Variants in EYS observed in about 807,000 individuals in gnomAD.
The protein encoded by EYS is protein eyes shut homolog.
In EYS, 250 loss-of-function variants were observed where a neutral mutation model predicts 282.1. The ratio of observed to expected loss-of-function variants is 0.89; its 90% CI spans 0.80 to 0.98. The LOEUF (loss-of-function observed/expected upper bound fraction) is 0.98, where lower values mean the gene tolerates loss of function less well. EYS is among the 50% of genes least tolerant of loss of function. The pLI, the probability that EYS is intolerant of heterozygous loss-of-function variation, is 0.00. For missense variants in EYS, 4,016 were observed against 3,709.0 expected, an observed-to-expected ratio of 1.08 and a Z score of -2.15; for synonymous variants, 1,355 against 1,282.9, an observed-to-expected ratio of 1.06 and a Z score of -1.20.
chr6:64,924,131 C>T lies in EYS; in HGVS notation c.2382-11388G>A, dbSNP rs530737566. 2.6e-5 allele frequency among the ~76,000 whole-genome samples: 4 copies of T among 152,324 alleles called. No homozygotes were observed. In the East Asian group the frequency reaches 7.7e-4, roughly 29 times the overall value. On this transcript the variant is annotated intron_variant, in intron 15 of 42. Transcript: ENST00000503581. ...TTTTGCCTGGGCATCCAGGCGATTCCATACATCTTCTGAAATCTAGGCAGA... is the reference window on the plus strand; with the variant it reads ...TTTTGCCTGGGCATCCAGGCGATTCTATACATCTTCTGAAATCTAGGCAGA...
chr6:64,947,618 T>C (rs1287857041), intron 14 of EYS, among the ~76,000 whole-genome samples: 4 of 151,634 alleles, frequency 2.6e-5, no homozygotes. Flanking sequence ...TGGTAACATT[T>C]ACAGTTTTCA....
intron 31 of EYS, among the ~76,000 whole-genome samples, chr6:64,113,396 T>A (rs1418717331): frequency 3.3e-5 from 5 of 152,198 alleles, no homozygotes; most frequent in Non-Finnish European, 5.9e-5. Context: ...TTCACTTGTA[T>A]GTAAAATGAG....
At chr6:65,501,070 T>C (rs1346101305) in intron 2 of EYS, among the ~76,000 whole-genome samples, 3 of 152,010 alleles carry the variant, frequency 2.0e-5, no homozygotes, top group Non-Finnish European at 4.4e-5. Context: ...CCACACACTC[T>C]ATGAGTAGGC....
chr6:65,601,549 T>A (rs566857898), intron 2 of EYS, among the ~76,000 whole-genome samples: 11 of 152,066 alleles, frequency 7.2e-5, no homozygotes, highest in Admixed American at 6.6e-4. Flanking sequence ...AATCAATGCA[T>A]CTGATGGATG....
intron 11 of EYS, among the ~76,000 whole-genome samples, chr6:65,319,802 A>C (rs1277334795): frequency 6.6e-6 from 1 of 152,154 alleles, no homozygotes; most frequent in Non-Finnish European, 1.5e-5. Context: ...CTGCTTGGTT[A>C]TCTGAACAAG....
At chr6:64,950,464 C>CAA (rs200644603) in intron 14 of EYS, among the ~76,000 whole-genome samples, 1 of 150,580 alleles carries the variant, frequency 6.6e-6, no homozygotes, top group African/African-American at 2.4e-5. Context: ...CAATTTTTTT[C>CAA]AAAAAAACAT....
chr6:64,759,080 A>T (rs1014761585), intron 22 of EYS, among the ~76,000 whole-genome samples: 2 of 152,196 alleles, frequency 1.3e-5, no homozygotes, highest in Non-Finnish European at 2.9e-5. Flanking sequence ...CGAAGCTTGC[A>T]GTGAGAAGAG....
intron 29 of EYS, among the ~76,000 whole-genome samples, chr6:64,351,133 A>G (rs1771618884): frequency 6.6e-6 from 1 of 151,354 alleles, no homozygotes; most frequent in African/African-American, 2.4e-5. Context: ...GAATGGATTA[A>G]TACATCCAGG....
At chr6:64,716,566 C>T (rs1021166976) in intron 22 of EYS, among the ~76,000 whole-genome samples, 1 of 152,250 alleles carries the variant, frequency 6.6e-6, no homozygotes, top group Admixed American at 6.5e-5. Context: ...AAGAGGAAGA[C>T]GTTGCCACCT....
rs201253910 is a variant in EYS at position 65,553,709 on chromosome 6, AATG to A, written c.-332-57719_-332-57717del. Among the ~76,000 whole-genome samples, 494 of 152,224 alleles carry A rather than the reference AATG, an allele frequency of 3.2e-3. 3 individuals carry two copies. Among genetic ancestry groups the A allele is most frequent in the African/African-American group, 0.011 (469 of 41,552 alleles). On this transcript the variant is annotated intron_variant, in intron 2 of 42. Coordinates refer to ENST00000503581, the MANE Select transcript of EYS (RefSeq NM_001142800.2). ...ACACCTTAATAATCTTTTATAAAAT[AATG>A]ATGAGTTATATGTAGTTAATTTTTG...
chr6:64,473,856 T>C (rs1776192440), intron 26 of EYS, among the ~76,000 whole-genome samples: 1 of 152,196 alleles, frequency 6.6e-6, no homozygotes, highest in Admixed American at 6.5e-5. Context: ...GACTTAGTTA[T>C]TGGTTTCAGA....
chr6:63,984,749 T>G, intron 34 of EYS, 146 bp from the exon 35 acceptor site: 1 of 663,794 alleles, frequency 1.5e-6, no homozygotes, highest in Non-Finnish European at 2.6e-6. Context: ...GTTTTGTCAC[T>G]TCTACTAGGT....
intron 31 of EYS, among the ~76,000 whole-genome samples, chr6:64,182,594 T>A (rs984155485): frequency 6.6e-6 from 1 of 152,188 alleles, no homozygotes; most frequent in Admixed American, 6.5e-5. Context: ...ATTTATCATG[T>A]CTCTGCTACC....
At chr6:64,125,898 C>T (rs899824516) in intron 31 of EYS, among the ~76,000 whole-genome samples, 3 of 149,208 alleles carry the variant, frequency 2.0e-5, no homozygotes, top group East Asian at 1.9e-4. Flanking sequence ...GGTGTATGCA[C>T]ATTTGCACTA....
Position 65,045,968 on chromosome 6 carries a change from A to G in EYS, c.2137+11646T>C, listed in dbSNP as rs532185599. On this transcript the variant is annotated intron_variant, in intron 13 of 42. Transcript: ENST00000503581. The stretch of plus-strand genomic sequence containing the variant: ...TATTTATTGAATATACTTTTACCTT[A>G]TTGCTTCATTAAAACCTGTTTCATT... Among the ~76,000 whole-genome samples, 8 of 151,974 alleles carry G rather than the reference A, an allele frequency of 5.3e-5. No homozygotes were observed. The East Asian group carries it at 1.6e-3, about 30-fold the overall frequency.
chr6:64,660,743 G>A (rs891699096), intron 22 of EYS, among the ~76,000 whole-genome samples: 1 of 152,080 alleles, frequency 6.6e-6, no homozygotes, highest in Non-Finnish European at 1.5e-5. Context: ...AAAGAGGACA[G>A]AAACAAATGG....
intron 35 of EYS, among the ~76,000 whole-genome samples, chr6:63,879,118 A>T (rs1773060825): frequency 6.6e-6 from 1 of 152,148 alleles, no homozygotes; most frequent in South Asian, 2.1e-4. Flanking sequence ...GGAGAAAAAT[A>T]TCTAACTTGA....
At chr6:64,275,791 T>TAAAAAA (rs200220201) in intron 30 of EYS, among the ~76,000 whole-genome samples, 49 of 70,792 alleles carry the variant, frequency 6.9e-4, no homozygotes, top group African/African-American at 3.2e-3. Flanking sequence ...CTGTGTCTAC[T>TAAAAAA]AAAAAAATAA....
chr6:64,556,718 A>G (rs1349680100), intron 26 of EYS, among the ~76,000 whole-genome samples: 1 of 151,998 alleles, frequency 6.6e-6, no homozygotes, highest in Non-Finnish European at 1.5e-5. Context: ...AGGAACAAGA[A>G]TAGGCAGCTG....
Sources: allele counts gnomAD v4.1 joint callset (sites outside exome capture counted in the v4.1 genomes callset), GRCh38; gene constraint gnomAD v4.1.1; transcripts MANE v1.5; gene names NCBI Gene and HGNC (gene_info 2026-07-23, HGNC 2026-07-21).